UTY: variants seen among roughly 807,000 people sequenced by gnomAD.
UTY encodes histone demethylase UTY.
In UTY, 12 loss-of-function variants were observed where a neutral mutation model predicts 32.5. The observed-to-expected ratio is 0.37, with a 90% confidence interval of 0.24 to 0.60. The LOEUF (loss-of-function observed/expected upper bound fraction) is 0.60, where lower values mean the gene tolerates loss of function less well. Among genes scored for constraint, UTY ranks in the 20% least tolerant of loss-of-function variants. The pLI, the probability that UTY is intolerant of heterozygous loss-of-function variation, is 0.69. For missense variants in UTY, 303 were observed against 299.2 expected (o/e 1.01, Z -0.09); for synonymous variants, 131 against 103.4 (o/e 1.27, Z -1.62).
chrY:13,431,936 T>C, intron 4 of UTY, among the ~76,000 whole-genome samples: 1 of 33,970 alleles, frequency 2.9e-5, no homozygotes, highest in African/African-American at 1.2e-4. Flanking sequence ...GCAGTTATGT[T>C]GCACAAAATG....
intron 25 of UTY, chrY:13,299,919 A>G (rs2058289599): frequency 9.9e-6 from 1 of 101,514 alleles, no homozygotes; most frequent in African/African-American, 1.1e-4. Flanking sequence ...AGATCTCTAA[A>G]AAGGAAAACT....
chrY:13,324,530 G>A, intron 20 of UTY, 71 bp downstream of exon 20: 1 of 263,982 alleles, frequency 3.8e-6, no homozygotes, highest in Non-Finnish European at 5.7e-6. Context: ...GAAAAAATCA[G>A]TGAGTTTCTG....
At position 13,470,272 on chromosome Y, in the gene UTY, T is replaced by G. The variant is rs369234366; in HGVS notation, c.217-43A>C. 66 of 297,371 alleles carry G rather than the reference T, an allele frequency of 2.2e-4. No individual in the cohort carries two copies. The African/African-American group carries it at 4.4e-3, about 20-fold the overall frequency. The allele number at this position is 297,371 out of a possible 400,897, so 74.2% of individuals were successfully genotyped here. A position where few individuals can be genotyped will look rare whatever the true frequency, so the allele number is the denominator to read the frequency against. Reference sequence around the variant, plus strand: ...AAACATTAAGAAAAAGGCATGTCCTTCCTGGAAGAATACATACATCTGCAC... The same window carrying G: ...AAACATTAAGAAAAAGGCATGTCCTGCCTGGAAGAATACATACATCTGCAC... On this transcript the variant is annotated intron_variant, in intron 2 of 29. Transcript: ENST00000545955.
chrY:13,318,175 ATAATAATAG>A (rs2059601573), intron 21 of UTY, among the ~76,000 whole-genome samples: 1 of 23,515 alleles, frequency 4.3e-5, no homozygotes, highest in Admixed American at 4.1e-4. Flanking sequence ...AATAATAATA[ATAATAATAG>A]TAATAATAGT....
Position 13,355,370 on chromosome Y carries a change from C to A in UTY, c.1694G>T (p.Arg565Leu). The A allele has an allele frequency of 2.5e-6, 1 of 396,400 alleles. No homozygotes were observed. Among genetic ancestry groups the A allele is most frequent in the Non-Finnish European group, 3.5e-6 (1 of 283,101 alleles). ...QMRHKEVAQV[R>L]TTGIHNGAIT... ...GGCCCCGTTATGAATTCCAGTAGTT[C>A]GTACCTGAGCAACTTCTTTGTGTCT... The change falls in exon 17 of 30, where the codon CGA (arginine) becomes CTA (leucine). Residue 565 changes from arginine (R) to leucine (L), a missense_variant. By Grantham distance (102) the Arg-to-Leu change is moderately radical. Transcript: ENST00000545955.
Position 13,250,969 on chromosome Y carries a change from T to C in UTY, c.4308+48A>G, listed in dbSNP as rs754177522. ...TATCAGTTAGCAAAGTCAAAGACCA[T>C]TGCTTTAAACCCACCTAATTAAGTG... On this transcript the variant is annotated intron_variant, in intron 29 of 29. Transcript: ENST00000545955. The C allele has an allele frequency of 8.0e-6, 3 of 374,694 alleles. No homozygotes were observed. The South Asian group carries it at 9.8e-5, about 12-fold the overall frequency. The allele number at this position is 374,694 out of a possible 400,897, so 93.5% of individuals were successfully genotyped here.
At chrY:13,428,132 A>C (rs2073566468) in intron 4 of UTY, among the ~76,000 whole-genome samples, 1 of 32,673 alleles carries the variant, frequency 3.1e-5, no homozygotes, top group African/African-American at 1.2e-4. Flanking sequence ...ATCGTTTGCA[A>C]GTATGTTTTC....
chrY:13,437,917 T>C, intron 4 of UTY, among the ~76,000 whole-genome samples: 1 of 31,321 alleles, frequency 3.2e-5, no homozygotes, highest in Non-Finnish European at 7.7e-5. Context: ...AGTGTCTTAA[T>C]GAATGCTGGA....
intron 2 of UTY, among the ~76,000 whole-genome samples, chrY:13,473,074 T>A: frequency 6.0e-5 from 2 of 33,408 alleles, no homozygotes; most frequent in Non-Finnish European, 1.5e-4. Context: ...CCGCCCAACA[T>A]GGTGAAAACC....
chrY:13,398,926 G>A (rs2068602893), intron 6 of UTY, among the ~76,000 whole-genome samples: 5 of 32,749 alleles, frequency 1.5e-4, no homozygotes, highest in Admixed American at 2.8e-4. Context: ...TGGCAAAGTG[G>A]TGAAGAAATT....
chrY:13,458,910 G>A (rs2077118585), intron 3 of UTY, among the ~76,000 whole-genome samples: 1 of 32,154 alleles, frequency 3.1e-5, no homozygotes, highest in Non-Finnish European at 7.5e-5. Flanking sequence ...GCAAACTATC[G>A]CAAGGACAAA....
At chrY:13,304,651 C>T (rs547318290) in intron 24 of UTY, among the ~76,000 whole-genome samples, 4 of 32,707 alleles carry the variant, frequency 1.2e-4, no homozygotes, top group African/African-American at 4.7e-4. Context: ...ATCTCACTAC[C>T]ACAGAACAAC....
chrY:13,313,552 G>A, intron 21 of UTY, among the ~76,000 whole-genome samples: 3 of 33,469 alleles, frequency 9.0e-5, no homozygotes, highest in Non-Finnish European at 1.5e-4. Flanking sequence ...GAGACCCCTC[G>A]GTTATAAATT....
intron 3 of UTY, among the ~76,000 whole-genome samples, chrY:13,460,739 T>G (rs748848666): frequency 5.2e-4 from 17 of 32,789 alleles, no homozygotes; most frequent in African/African-American, 1.9e-3. Flanking sequence ...TGTAAAGAGA[T>G]GTTGGTCAAA....
At chrY:13,473,306 G>GA (rs1299217859) in intron 2 of UTY, among the ~76,000 whole-genome samples, 42 of 28,549 alleles carry the variant, frequency 1.5e-3, no homozygotes, top group African/African-American at 3.4e-3. Flanking sequence ...TCTGTCTCGA[G>GA]AAAAAAAAAA....
chrY:13,316,852 A>C lies in UTY; in HGVS notation c.3276+6703T>G, dbSNP rs1603382406. Among the ~76,000 whole-genome samples, 4 of 33,068 alleles carry C rather than the reference A, an allele frequency of 1.2e-4. No individual in the cohort carries two copies. The East Asian group carries it at 2.4e-3, about 20-fold the overall frequency. 88.7% of individuals were successfully genotyped at this position (33,068 alleles called of 37,273 possible). ...AGAAAAACGGCTAGCAAAAGGAAAA[A>C]GAAAAAGAGGAGAAACTCTTTTGAT... is the stretch of plus-strand genomic sequence containing the variant. On this transcript the variant is annotated intron_variant, in intron 21 of 29. Coordinates refer to ENST00000545955, the MANE Select transcript of UTY (RefSeq NM_001258249.2).
chrY:13,377,266 T>C (rs2065492768), intron 8 of UTY, among the ~76,000 whole-genome samples: 1 of 33,544 alleles, frequency 3.0e-5, no homozygotes, highest in Non-Finnish European at 7.4e-5. Flanking sequence ...TCAGATTAAA[T>C]ACATACATAA....
intron 4 of UTY, among the ~76,000 whole-genome samples, chrY:13,436,100 G>A: frequency 3.0e-5 from 1 of 33,135 alleles, no homozygotes; most frequent in Non-Finnish European, 7.5e-5. Flanking sequence ...CTGCTGAGCC[G>A]GAGGGAGCAA....
intron 27 of UTY, 39 bp downstream of exon 27, chrY:13,297,668 C>A: frequency 2.5e-6 from 1 of 396,855 alleles, no homozygotes; most frequent in Non-Finnish European, 3.5e-6. Flanking sequence ...CTACCAATAC[C>A]CCCAAAGAGA....
Sources: gnomAD v4.1 joint callset for allele counts (sites outside exome capture counted in the v4.1 genomes callset) on GRCh38, gnomAD v4.1.1 for gene constraint, MANE v1.5 for transcripts, NCBI Gene and HGNC (gene_info 2026-07-23, HGNC 2026-07-21) for gene names.